Variants in ZBTB32 observed in about 807,000 individuals in gnomAD.
ZBTB32 encodes zinc finger and BTB domain containing 32, also known as zinc finger and BTB domain-containing protein 32.
ZBTB32 carries 28 observed loss-of-function variants against 45.3 expected under a neutral mutation model. The ratio of observed to expected loss-of-function variants is 0.62; its 90% CI spans 0.46 to 0.85. The LOEUF (loss-of-function observed/expected upper bound fraction) is 0.85. Among genes scored for constraint, ZBTB32 ranks in the 40% least tolerant of loss-of-function variants. The pLI is 0.00. For synonymous variants in ZBTB32, 283 were observed against 255.7 expected, an observed-to-expected ratio of 1.11 and a Z score of -1.02; for missense variants, 587 against 624.4, an observed-to-expected ratio of 0.94 and a Z score of 0.64.
At position 35,714,422 on chromosome 19, in the gene ZBTB32, A is replaced by G; in HGVS notation, c.-104-101A>G. ...CCATGCCTACCTGCTATGATTCTGGATAAGCTCCAATCCTCTCTTGGGTTA... is the reference window on the plus strand; with the variant it reads ...CCATGCCTACCTGCTATGATTCTGGGTAAGCTCCAATCCTCTCTTGGGTTA... On this transcript the variant is annotated intron_variant, in intron 2 of 6. Coordinates refer to ENST00000392197, the MANE Select transcript of ZBTB32 (RefSeq NM_014383.3). 8.2e-6 allele frequency: 4 copies of G among 490,572 alleles called. No individual in the cohort carries two copies. In the South Asian group the frequency reaches 2.8e-4, roughly 34 times the overall value. The allele number at this position is 490,572 out of a possible 1,614,324, so 30.4% of individuals were successfully genotyped here.
In ZBTB32 at chr19:35,714,851, G is replaced by A. The variant is rs144750263; in HGVS notation, c.225G>A (p.Leu75=). The A allele has an allele frequency of 7.5e-5, 121 of 1,611,312 alleles. No individual in the cohort carries two copies. Among genetic ancestry groups the A allele is most frequent in the Middle Eastern group, 1.7e-4 (1 of 6,048 alleles). ...GCCCTTCTACCTTTGCCCAGCTCCTGAACTTTGTGTATGGGGAGAGTGTAG... is the reference window on the plus strand; with the variant it reads ...GCCCTTCTACCTTTGCCCAGCTCCTAAACTTTGTGTATGGGGAGAGTGTAG... ...GISPSTFAQL[L]NFVYGESVEL... is the part of the protein sequence containing the mutation. The change falls in exon 3 of 7, where the codon CTG becomes CTA. Residue 75 remains leucine (L), a synonymous_variant. Coordinates refer to ENST00000392197, the MANE Select transcript of ZBTB32 (RefSeq NM_014383.3).
intron 3 of ZBTB32, 22 bp from the exon 4 acceptor site, chr19:35,715,735 A>G: frequency 5.0e-6 from 8 of 1,587,000 alleles, no homozygotes; most frequent in Non-Finnish European, 6.9e-6. Flanking sequence ...CAAGGCTGTA[A>G]CTCTTCCCCA....
At chr19:35,705,023 G>A (rs1045110161) in intron 1 of ZBTB32, among the ~76,000 whole-genome samples, 1 of 152,154 alleles carries the variant, frequency 6.6e-6, no homozygotes, top group Admixed American at 6.5e-5. Context: ...GGTTATGCAG[G>A]GGCTGGGCGC....
Position 35,715,848 on chromosome 19 carries a change from C to T in ZBTB32, c.955+18C>T, listed in dbSNP as rs1301245428. The T allele has an allele frequency of 1.9e-6, 3 of 1,612,900 alleles. No homozygotes were observed. The highest frequency in any genetic ancestry group is 2.5e-6 in the Non-Finnish European group (3 of 1,179,292). On this transcript the variant is annotated intron_variant, in intron 4 of 6. Coordinates refer to ENST00000392197, the MANE Select transcript of ZBTB32 (RefSeq NM_014383.3). The stretch of plus-strand genomic sequence containing the variant: ...TACCCCAGGTAAGCCCCTCGCTGTC[C>T]TGCATACACCTGTAACATGGTGTCT...
chr19:35,704,829 C>A (rs2146405254), intron 1 of ZBTB32, among the ~76,000 whole-genome samples: 1 of 152,324 alleles, frequency 6.6e-6, no homozygotes, highest in Middle Eastern at 3.4e-3. Context: ...AGAGGCTAAG[C>A]CAGCTTGCTC....
At chr19:35,706,506 G>A (rs1968547028) in intron 1 of ZBTB32, among the ~76,000 whole-genome samples, 1 of 151,976 alleles carries the variant, frequency 6.6e-6, no homozygotes, top group African/African-American at 2.4e-5. Context: ...TGGATCACCT[G>A]AGGTCAGGAG....
chr19:35,709,515 G>T (rs1036951540), intron 1 of ZBTB32, among the ~76,000 whole-genome samples: 5 of 152,138 alleles, frequency 3.3e-5, no homozygotes, highest in Non-Finnish European at 5.9e-5. Context: ...TGCAGCCAGG[G>T]TGTGCCCCGA....
At chr19:35,706,485 G>T (rs2146407538) in intron 1 of ZBTB32, among the ~76,000 whole-genome samples, 1 of 152,052 alleles carries the variant, frequency 6.6e-6, no homozygotes, top group South Asian at 2.1e-4. Flanking sequence ...ACTTTGGGAG[G>T]CCGAGGCAGG....
rs769934621 is a variant in ZBTB32, at chr19:35,715,151, C to T, written c.525C>T (p.Pro175=). ...AGCACTCGCCACCAAGAGGCAGACC[C>T]GAGATGGCAGGAGCAACGCAGGAGG... ...LHKHSPPRGR[P]EMAGATQEAQ... The change falls in exon 3 of 7, where the codon CCC becomes CCT. Residue 175 remains proline (P), a synonymous_variant. Transcript: ENST00000392197. The T allele has an allele frequency of 1.8e-5, 29 of 1,613,692 alleles. No individual in the cohort carries two copies. The Middle Eastern group carries it at 6.6e-4, about 37-fold the overall frequency.
intron 1 of ZBTB32, among the ~76,000 whole-genome samples, chr19:35,706,757 C>G (rs1464262225): frequency 6.6e-6 from 1 of 152,052 alleles, no homozygotes. Flanking sequence ...GGAAATCACC[C>G]AGGTTGTCTT....
Position 35,714,971 on chromosome 19 carries a change from C to T in ZBTB32, c.345C>T (p.Asp115=), listed in dbSNP as rs1385534675. The T allele has an allele frequency of 6.3e-7, 1 of 1,597,380 alleles. No homozygotes were observed. The highest frequency in any genetic ancestry group is 1.1e-5 in the South Asian group (1 of 89,388). Residue 115 remains aspartate, a synonymous_variant, in exon 3 of 7, where the codon GAC becomes GAT. Transcript: ENST00000392197. ...LEEACWRARG[D]RAKKPDPGLK... Reference sequence around the variant, plus strand: ...AGGCATGCTGGAGGGCTCGAGGGGACAGGGCTAAAAAGCCAGATCCAGGCC... The same window carrying T: ...AGGCATGCTGGAGGGCTCGAGGGGATAGGGCTAAAAAGCCAGATCCAGGCC...
chr19:35,713,202 A>C (rs1968747348), intron 2 of ZBTB32, 169 bp downstream of exon 2: 1 of 152,240 alleles, frequency 6.6e-6, no homozygotes, highest in Non-Finnish European at 1.5e-5. Flanking sequence ...AGGAGTTCAC[A>C]AACGAAGTGA....
chr19:35,714,961 C>A lies in ZBTB32; in HGVS notation c.335C>A (p.Ala112Asp). 1.3e-6 allele frequency: 2 copies of A among 1,590,810 alleles called. No homozygotes were observed. The highest frequency in any genetic ancestry group is 1.8e-5 in the Admixed American group (1 of 56,246). The stretch of plus-strand genomic sequence containing the variant: ...TCCCTGGAAGAGGCATGCTGGAGGG[C>A]TCGAGGGGACAGGGCTAAAAAGCCA... ...VQSLEEACWR[A>D]RGDRAKKPDP... The change falls in exon 3 of 7, where the codon GCT becomes GAT. Residue 112 changes from alanine (A) to aspartate (D), a missense_variant. Coordinates refer to ENST00000392197, the MANE Select transcript of ZBTB32 (RefSeq NM_014383.3).
At chr19:35,713,883 TG>T (rs1308297209) in intron 2 of ZBTB32, among the ~76,000 whole-genome samples, 3 of 152,262 alleles carry the variant, frequency 2.0e-5, no homozygotes, top group Non-Finnish European at 4.4e-5. Flanking sequence ...TCTCCATCAT[TG>T]GGTCAGGAGC....
chr19:35,715,086 G>C lies in ZBTB32; in HGVS notation c.460G>C (p.Val154Leu). ...TGGAGAGAAGCAGAAACCAGAACAG[G>C]TTTCTAGAACTGGTGGGAGAGAACA... ...DPGEKQKPEQ[V>L]SRTGGREQEM... The change falls in exon 3 of 7, where the codon GTT becomes CTT. Residue 154 changes from valine to leucine, a missense_variant. Transcript: ENST00000392197. 1 of 1,614,024 alleles carries C rather than the reference G, an allele frequency of 6.2e-7. No individual in the cohort carries two copies. Among genetic ancestry groups the C allele is most frequent in the South Asian group, 1.1e-5 (1 of 91,090 alleles).
At chr19:35,710,991 G>A (rs1266238260) in intron 1 of ZBTB32, among the ~76,000 whole-genome samples, 1 of 152,132 alleles carries the variant, frequency 6.6e-6, no homozygotes, top group African/African-American at 2.4e-5. Context: ...CCCATTCTTG[G>A]GGGCTTTTGT....
At chr19:35,706,583 C>A (rs1968550152) in intron 1 of ZBTB32, among the ~76,000 whole-genome samples, 1 of 151,740 alleles carries the variant, frequency 6.6e-6, no homozygotes, top group Admixed American at 6.6e-5. Flanking sequence ...ATTAGCCGGG[C>A]ATGGTAGATG....
At chr19:35,713,157 G>A (rs1443260678) in intron 2 of ZBTB32, 124 bp downstream of exon 2, 7 of 152,208 alleles carry the variant, frequency 4.6e-5, no homozygotes, top group Admixed American at 3.3e-4. Context: ...ATTATTCCAA[G>A]GTCCTTGCTG....
At chr19:35,714,410 C>T (rs1010675981) in intron 2 of ZBTB32, 113 bp from the exon 3 acceptor site, 43 of 455,262 alleles carry the variant, frequency 9.4e-5, no homozygotes, top group Middle Eastern at 1.1e-3. Flanking sequence ...TGCCTACCTG[C>T]TATGATTCTG....
Sources: allele counts gnomAD v4.1 joint callset (sites outside exome capture counted in the v4.1 genomes callset), GRCh38; gene constraint gnomAD v4.1.1; transcripts MANE v1.5; gene names NCBI Gene and HGNC (gene_info 2026-07-23, HGNC 2026-07-21).